SLC6A16: variants seen among roughly 807,000 people sequenced by gnomAD.
SLC6A16 encodes the protein orphan sodium- and chloride-dependent neurotransmitter transporter NTT5.
A neutral mutation model predicts 65.4 loss-of-function variants in SLC6A16; 54 were observed. The ratio of observed to expected loss-of-function variants is 0.83; its 90% CI spans 0.66 to 1.04. SLC6A16 has a LOEUF of 1.04. SLC6A16 is among the 50% of genes least tolerant of loss of function. SLC6A16 has a pLI of 0.00. For missense variants in SLC6A16, 816 were observed against 914.0 expected, an observed-to-expected ratio of 0.89 and a Z score of 1.38; for synonymous variants, 330 against 346.5, an observed-to-expected ratio of 0.95 and a Z score of 0.53.
chr19:49,339,468 C>T, the SLC6A16 span: 2 of 1,569,696 alleles, frequency 1.3e-6, no homozygotes. This position sits in a 1 kb window ranked among gnomAD's most constrained non-coding sequence, Gnocchi z 4.5. Context: ...GATGGCCCTG[C>T]CCTTCATTTC....
the SLC6A16 span, among the ~76,000 whole-genome samples, chr19:49,333,285 C>T: frequency 2.0e-5 from 3 of 151,944 alleles, no homozygotes; most frequent in African/African-American, 7.3e-5. Context: ...TCAGCCTGGC[C>T]AACATGGTGA....
intron 11 of SLC6A16, 76 bp downstream of exon 11, chr19:49,290,529 G>T: frequency 6.4e-7 from 1 of 1,574,772 alleles, no homozygotes; most frequent in Non-Finnish European, 8.7e-7. Context: ...GAGATGACTG[G>T]GTTCTTTCAC....
chr19:49,321,983 A>G (rs760370687), intron 1 of SLC6A16, among the ~76,000 whole-genome samples: 4 of 152,182 alleles, frequency 2.6e-5, no homozygotes, highest in African/African-American at 9.6e-5. Context: ...ACTCACAGCA[A>G]ATGTCATACT....
chr19:49,299,201 G>A (rs1046615573), intron 7 of SLC6A16, among the ~76,000 whole-genome samples: 10 of 146,504 alleles, frequency 6.8e-5, no homozygotes, highest in African/African-American at 1.0e-4. Context: ...AGCCGAGATC[G>A]CACCTCTGCA....
intron 1 of SLC6A16, among the ~76,000 whole-genome samples, chr19:49,322,105 G>A (rs114321568): frequency 0.022 from 3,383 of 152,034 alleles, 126 homozygotes; most frequent in African/African-American, 0.071. Context: ...GAGAAATTAG[G>A]CAAAAATATA....
intron 1 of SLC6A16, among the ~76,000 whole-genome samples, chr19:49,314,793 A>C (rs1568538227): frequency 6.6e-6 from 1 of 152,248 alleles, no homozygotes; most frequent in East Asian, 1.9e-4. Context: ...CCAGAAAACA[A>C]ATCTAAATTG....
At chr19:49,291,386 G>A (rs567505341) in intron 10 of SLC6A16, among the ~76,000 whole-genome samples, 1 of 151,608 alleles carries the variant, frequency 6.6e-6, no homozygotes, top group African/African-American at 2.4e-5. Context: ...ACTTACCACC[G>A]GGTACTGGGA....
intron 1 of SLC6A16, among the ~76,000 whole-genome samples, chr19:49,322,895 A>G (rs979796583): frequency 1.6e-5 from 2 of 126,686 alleles, no homozygotes; most frequent in Non-Finnish European, 3.1e-5. Flanking sequence ...TAAAACTAAC[A>G]TGAAATCTCA....
At chr19:49,330,396 G>A in the SLC6A16 span, among the ~76,000 whole-genome samples, 6 of 152,282 alleles carry the variant, frequency 3.9e-5, no homozygotes, top group South Asian at 4.1e-4. Flanking sequence ...TGTAGATTGC[G>A]ATGAACACTA....
chr19:49,307,708 G>A, intron 7 of SLC6A16, among the ~76,000 whole-genome samples: 1 of 71,938 alleles, frequency 1.4e-5, no homozygotes. Flanking sequence ...GGAGAGAGAG[G>A]AAGAGGAGGA....
intron 7 of SLC6A16, 86 bp downstream of exon 7, chr19:49,308,790 G>A (rs1240827858): frequency 1.3e-6 from 2 of 1,533,512 alleles, no homozygotes; most frequent in Non-Finnish European, 1.8e-6. Flanking sequence ...GTGTGAACAT[G>A]GGTCTTTGCA....
the SLC6A16 span, chr19:49,337,878 G>C: frequency 6.2e-7 from 1 of 1,611,120 alleles, no homozygotes; most frequent in Admixed American, 1.7e-5. Context: ...AGAGGGGGAG[G>C]GGTGGGGCGG....
At chr19:49,311,449 A>G in intron 1 of SLC6A16, 38 bp from the exon 2 acceptor site, 1 of 1,334,512 alleles carries the variant, frequency 7.5e-7, no homozygotes, top group Non-Finnish European at 1.0e-6. Context: ...TAGATTTTAG[A>G]GTCAAGTAAC....
upstream of SLC6A16, among the ~76,000 whole-genome samples, chr19:49,325,710 A>T (rs1037024563): frequency 2.0e-5 from 3 of 152,198 alleles, no homozygotes; most frequent in Non-Finnish European, 4.4e-5. Context: ...AGAATTATTA[A>T]GGACTCCAAT....
In SLC6A16 at chr19:49,290,294, G is replaced by T; in HGVS notation, c.2040C>A (p.Tyr680Ter). Residue 680 changes from tyrosine (Y) to a stop codon, truncating the protein, a stop_gained, in exon 12 of 12, where the codon TAC becomes TAA. Transcript: ENST00000335875. LOFTEE classifies it low-confidence loss of function (END_TRUNC). ...TGAAGGGAATCCTATGTATGCGGCA[G>T]TATACAAAGTATGCAGGGATGGGGA... The part of the protein sequence containing the change: ...VILPIPAYFV[Y>*]CRIHRIPFRP... 6.2e-7 allele frequency: 1 copy of T among 1,614,126 alleles called. No individual in the cohort carries two copies. Among genetic ancestry groups the T allele is most frequent in the Admixed American group, 1.7e-5 (1 of 59,996 alleles).
upstream of SLC6A16, among the ~76,000 whole-genome samples, chr19:49,327,996 T>C (rs1750312351): frequency 6.6e-6 from 1 of 152,138 alleles, no homozygotes; most frequent in African/African-American, 2.4e-5. Context: ...TGGTCGGAAT[T>C]TTTTTCTTTT....
chr19:49,313,853 G>A (rs977449483), intron 1 of SLC6A16, among the ~76,000 whole-genome samples: 1 of 151,980 alleles, frequency 6.6e-6, no homozygotes, highest in African/African-American at 2.4e-5. Context: ...CCAACACTTT[G>A]GGAGGCCGAG....
At chr19:49,318,071 G>A (rs1475487283) in intron 1 of SLC6A16, among the ~76,000 whole-genome samples, 1 of 152,132 alleles carries the variant, frequency 6.6e-6, no homozygotes, top group African/African-American at 2.4e-5. Flanking sequence ...ACAGAAGGGA[G>A]CCACAGAGAA....
At chr19:49,330,199 T>G (rs1437994217), upstream of SLC6A16, among the ~76,000 whole-genome samples, 1 of 152,034 alleles carries the variant, frequency 6.6e-6, no homozygotes, top group Non-Finnish European at 1.5e-5. Flanking sequence ...TACTGGAGTG[T>G]GCAGGAGGTG....
Sources: allele counts gnomAD v4.1 joint callset (sites outside exome capture counted in the v4.1 genomes callset), GRCh38; gene constraint gnomAD v4.1.1; non-coding constraint Gnocchi (gnomAD v3.1); transcripts MANE v1.5; gene names NCBI Gene and HGNC (gene_info 2026-07-23, HGNC 2026-07-21).